The following NELL1 variants were observed in gnomAD, a reference collection of about 807,000 sequenced individuals.
NELL1 encodes the protein protein kinase C-binding protein NELL1.
NELL1 carries 76 observed loss-of-function variants against 107.4 expected under a neutral mutation model. The ratio of observed to expected loss-of-function variants is 0.71; its 90% CI spans 0.59 to 0.86. The LOEUF is 0.86. NELL1 is among the 40% of genes least tolerant of loss of function. The pLI is 0.00. For synonymous variants in NELL1, 353 were observed against 341.2 expected, an observed-to-expected ratio of 1.03 and a Z score of -0.38; for missense variants, 1,024 against 1,005.5, an observed-to-expected ratio of 1.02 and a Z score of -0.25.
chr11:21,292,615 T>TAGACA (rs1849295951), intron 14 of NELL1, among the ~76,000 whole-genome samples: 1 of 152,140 alleles, frequency 6.6e-6, no homozygotes. Context: ...GGAGCCTGCA[T>TAGACA]AGACAAGACA....
intron 13 of NELL1, among the ~76,000 whole-genome samples, chr11:21,202,746 T>C (rs12295691): frequency 0.054 from 8,205 of 152,294 alleles, 720 homozygotes; most frequent in African/African-American, 0.19. Context: ...TTTCCTGCTT[T>C]ACCTTGTGGG....
chr11:21,214,686 G>A (rs1358454452), intron 13 of NELL1, among the ~76,000 whole-genome samples: 1 of 150,284 alleles, frequency 6.7e-6, no homozygotes, highest in Non-Finnish European at 1.5e-5. Flanking sequence ...CACACTTTCG[G>A]ATATTTATCC....
intron 13 of NELL1, among the ~76,000 whole-genome samples, chr11:21,165,379 C>G (rs1040527136): frequency 1.3e-5 from 2 of 152,180 alleles, no homozygotes; most frequent in Non-Finnish European, 2.9e-5. Flanking sequence ...TTCAACTCCC[C>G]CTTAGGATCC....
In NELL1 at chr11:21,102,232, C is replaced by T. The variant is rs185022492; in HGVS notation, c.1301-11357C>T. On this transcript the variant is annotated intron_variant, in intron 12 of 19. Transcript: ENST00000357134. ...TCTTTTAAACATTTTTACCTTATCC[C>T]TGTCCCATGAAATTTTATTACCAGA... Among the ~76,000 whole-genome samples, 1,331 of 152,284 alleles carry T rather than the reference C, an allele frequency of 8.7e-3. 24 individuals carry two copies. Among genetic ancestry groups the T allele is most frequent in the African/African-American group, 0.028 (1,165 of 41,546 alleles).
intron 8 of NELL1, 106 bp downstream of exon 8, chr11:20,927,548 T>A: frequency 8.6e-7 from 1 of 1,160,412 alleles, no homozygotes; most frequent in Non-Finnish European, 1.2e-6. Flanking sequence ...CTCTGAGAAT[T>A]GTTAGGTTTT....
chr11:21,037,723 T>C (rs1253660674), intron 12 of NELL1, among the ~76,000 whole-genome samples: 3 of 152,166 alleles, frequency 2.0e-5, no homozygotes, highest in East Asian at 1.9e-4. Context: ...TATATCTCTC[T>C]TTTCAGTCCC....
intron 3 of NELL1, among the ~76,000 whole-genome samples, chr11:20,811,214 C>T (rs1857495127): frequency 6.6e-6 from 1 of 152,062 alleles, no homozygotes; most frequent in African/African-American, 2.4e-5. Context: ...TTTGGGTATC[C>T]AGTTTTTCCA....
rs375071371 is a variant in NELL1, at chr11:20,699,226, C to CA, written c.184+21174dup. ...AGCAAGACTCTGTCTCAAAAACAAA[C>CA]AAAAAAAACAAAACAAACAAAAAAG... On this transcript the variant is annotated intron_variant, in intron 2 of 19. Coordinates refer to ENST00000357134, the MANE Select transcript of NELL1 (RefSeq NM_006157.5). Among the ~76,000 whole-genome samples the CA allele has an allele frequency of 8.8e-3, 1,339 of 151,360 alleles. 17 individuals carry two copies. The highest frequency in any genetic ancestry group is 0.03 in the African/African-American group (1,250 of 41,222).
chr11:20,755,546 T>G lies in NELL1; in HGVS notation c.185-28134T>G, dbSNP rs1235046373. On this transcript the variant is annotated intron_variant, in intron 2 of 19. Transcript: ENST00000357134. The stretch of plus-strand genomic sequence containing the variant: ...AAGACCTGTGTGGGTTTTTGTTTTT[T>G]TTTGTTTTTGTTTTTGTTTTTTTTT... Among the ~76,000 whole-genome samples the G allele has an allele frequency of 9.9e-3, 452 of 45,532 alleles. 5 individuals carry two copies. Among genetic ancestry groups the G allele is most frequent in the African/African-American group, 0.026 (425 of 16,452 alleles). The allele number at this position is 45,532 out of a possible 152,430, so 29.9% of individuals were successfully genotyped here. A position where few individuals can be genotyped will look rare whatever the true frequency, so the allele number is the denominator to read the frequency against.
At chr11:21,140,032 A>G (rs2133770364) in intron 13 of NELL1, among the ~76,000 whole-genome samples, 1 of 152,268 alleles carries the variant, frequency 6.6e-6, no homozygotes, top group Admixed American at 6.5e-5. Flanking sequence ...ATCTCTGAGA[A>G]ACTCTATCAG....
intron 5 of NELL1, 106 bp from the exon 6 acceptor site, chr11:20,918,076 A>G: frequency 6.8e-6 from 5 of 734,996 alleles, no homozygotes; most frequent in Non-Finnish European, 1.2e-5. Context: ...GAATGAATCA[A>G]TTTTGTTGAA....
chr11:20,915,713 ATATATTTT>A (rs951007595), intron 5 of NELL1, among the ~76,000 whole-genome samples: 2 of 57,722 alleles, frequency 3.5e-5, no homozygotes, highest in African/African-American at 2.0e-4. Flanking sequence ...ATATATATAT[ATATATTTT>A]TTTTTTTTTT....
At chr11:21,487,140 C>T (rs909792002) in intron 15 of NELL1, among the ~76,000 whole-genome samples, 1 of 152,104 alleles carries the variant, frequency 6.6e-6, no homozygotes, top group Non-Finnish European at 1.5e-5. Flanking sequence ...GACAAAACTC[C>T]ATAAAGGTCT....
intron 9 of NELL1, among the ~76,000 whole-genome samples, chr11:20,931,732 A>G (rs563833438): frequency 6.6e-6 from 1 of 152,284 alleles, no homozygotes; most frequent in African/African-American, 2.4e-5. Flanking sequence ...ATATAAGTGA[A>G]ACTACTGTTT....
chr11:20,912,361 G>C (rs912514845), intron 5 of NELL1, among the ~76,000 whole-genome samples: 4 of 152,120 alleles, frequency 2.6e-5, no homozygotes, highest in Non-Finnish European at 1.5e-5. Context: ...CTGGCCAGTA[G>C]TGATAGGCTT....
chr11:20,887,989 C>A (rs904098668), intron 5 of NELL1, among the ~76,000 whole-genome samples: 3 of 151,850 alleles, frequency 2.0e-5, no homozygotes, highest in African/African-American at 7.3e-5. Flanking sequence ...TTTTAAAAAA[C>A]TTCTGTTTAA....
chr11:21,229,337 G>T lies in NELL1; in HGVS notation c.1432G>T (p.Asp478Tyr). Residue 478 changes from aspartate to tyrosine, a missense_variant, in exon 14 of 20, where the codon GAT becomes TAT. Transcript: ENST00000357134. ...TTCTCTCACCCTGGAAACAGAACAC[G>T]ATGAATGTGGCAGCGGCCAGCACAA... ...RVDDFSCTEH[D>Y]ECGSGQHNCD... 6.2e-7 allele frequency: 1 copy of T among 1,613,760 alleles called. No homozygotes were observed. The highest frequency in any genetic ancestry group is 8.5e-7 in the Non-Finnish European group (1 of 1,179,820).
At chr11:20,979,952 C>T (rs764493421) in intron 12 of NELL1, among the ~76,000 whole-genome samples, 1 of 152,162 alleles carries the variant, frequency 6.6e-6, no homozygotes, top group Non-Finnish European at 1.5e-5. Flanking sequence ...ACAGGACCTT[C>T]TTAAGGTCAG....
intron 15 of NELL1, among the ~76,000 whole-genome samples, chr11:21,506,504 A>G (rs565675247): frequency 6.6e-6 from 1 of 152,332 alleles, no homozygotes; most frequent in East Asian, 1.9e-4. Flanking sequence ...AATCTGGAAT[A>G]AAATGGCCTT....
Sources: gnomAD v4.1 joint callset for allele counts (sites outside exome capture counted in the v4.1 genomes callset) on GRCh38, gnomAD v4.1.1 for gene constraint, MANE v1.5 for transcripts, NCBI Gene and HGNC (gene_info 2026-07-23, HGNC 2026-07-21) for gene names.